The following SGCZ variants were observed in gnomAD, a reference collection of about 807,000 sequenced individuals.
The protein encoded by SGCZ is sarcoglycan zeta, also known as zeta-sarcoglycan.
A neutral mutation model predicts 41.3 loss-of-function variants in SGCZ; 40 were observed. That is an observed-to-expected ratio of 0.97 (90% confidence interval 0.75 to 1.26). The LOEUF (loss-of-function observed/expected upper bound fraction) is 1.26. SGCZ is among the 50% of genes most tolerant of loss of function. The probability of loss-of-function intolerance (pLI) is 0.00; values close to 1 mark genes in which losing one functional copy is unlikely to be tolerated. For synonymous variants in SGCZ, 206 were observed against 137.5 expected (o/e 1.50, Z -3.49); for missense variants, 552 against 369.8 (o/e 1.49, Z -4.04).
chr8:14,676,250 T>A (rs1172259870), intron 1 of SGCZ, among the ~76,000 whole-genome samples: 1 of 151,998 alleles, frequency 6.6e-6, no homozygotes. Flanking sequence ...TGCAGAAGGA[T>A]CTCTTAAGGC....
chr8:14,535,392 A>G (rs1264737292), intron 2 of SGCZ, among the ~76,000 whole-genome samples: 2 of 151,944 alleles, frequency 1.3e-5, no homozygotes, highest in Non-Finnish European at 2.9e-5. Context: ...TTAGTAAAGT[A>G]AATGCAATGG....
chr8:14,991,560 A>C (rs893961126), intron 1 of SGCZ, among the ~76,000 whole-genome samples: 1 of 152,106 alleles, frequency 6.6e-6, no homozygotes, highest in East Asian at 1.9e-4. Context: ...GAATATTATC[A>C]AAGCACTTAT....
At chr8:15,019,029 G>T (rs571575907) in intron 1 of SGCZ, among the ~76,000 whole-genome samples, 3 of 152,190 alleles carry the variant, frequency 2.0e-5, no homozygotes, top group Non-Finnish European at 4.4e-5. Context: ...TAAACAACTA[G>T]ATCTCATGAG....
intron 4 of SGCZ, among the ~76,000 whole-genome samples, chr8:14,183,618 T>G (rs560701675): frequency 8.7e-4 from 132 of 152,298 alleles, no homozygotes; most frequent in African/African-American, 3.0e-3. Context: ...CTCAGCATAG[T>G]TACAAAAATT....
intron 1 of SGCZ, among the ~76,000 whole-genome samples, chr8:14,908,743 CAA>C (rs58817872): frequency 0.02 from 1,811 of 91,058 alleles, 13 homozygotes; most frequent in Middle Eastern, 0.053. Flanking sequence ...GTCACCGTTG[CAA>C]AAAAAAAAAA....
At chr8:14,386,302 TAA>T (rs5889531) in intron 2 of SGCZ, among the ~76,000 whole-genome samples, 91 of 138,476 alleles carry the variant, frequency 6.6e-4, no homozygotes, top group East Asian at 5.7e-3. Context: ...TGCATCATGG[TAA>T]AAAAAAAAAA....
intron 3 of SGCZ, among the ~76,000 whole-genome samples, chr8:14,252,256 T>C (rs1203199322): frequency 6.6e-6 from 1 of 152,136 alleles, no homozygotes; most frequent in Non-Finnish European, 1.5e-5. Flanking sequence ...GTTACTCAGC[T>C]CTTAAGTTAT....
chr8:14,574,230 G>C (rs1299157470), intron 1 of SGCZ, among the ~76,000 whole-genome samples: 4 of 152,084 alleles, frequency 2.6e-5, no homozygotes, highest in African/African-American at 9.7e-5. Context: ...CAAAACGAAG[G>C]CCTCTGCAGC....
At chr8:14,853,702 G>A (rs1461304860) in intron 1 of SGCZ, among the ~76,000 whole-genome samples, 9 of 152,060 alleles carry the variant, frequency 5.9e-5, no homozygotes, top group Admixed American at 5.9e-4. Context: ...AGTATTACAT[G>A]GGTACCATAG....
intron 1 of SGCZ, among the ~76,000 whole-genome samples, chr8:14,561,449 A>C (rs187569456): frequency 8.5e-5 from 13 of 152,222 alleles, no homozygotes; most frequent in Admixed American, 5.2e-4. Flanking sequence ...CTGGCTTCAT[A>C]ATATTGCTGT....
At chr8:15,225,743 GA>G (rs905635292) in intron 1 of SGCZ, among the ~76,000 whole-genome samples, 1 of 152,166 alleles carries the variant, frequency 6.6e-6, no homozygotes, top group African/African-American at 2.4e-5. Context: ...TGGACAGAGG[GA>G]AAGTAGATGA....
intron 1 of SGCZ, among the ~76,000 whole-genome samples, chr8:14,750,970 A>G (rs1220369663): frequency 1.3e-5 from 2 of 152,200 alleles, no homozygotes; most frequent in Non-Finnish European, 1.5e-5. Flanking sequence ...CAGGCTGTTC[A>G]ATTGAAGCAT....
rs376514973 is a variant in SGCZ, at chr8:14,445,242, G to T, written c.234+109490C>A. Among the ~76,000 whole-genome samples, 97 of 152,294 alleles carry T rather than the reference G, an allele frequency of 6.4e-4. 1 individual carries two copies. The highest frequency in any genetic ancestry group is 3.4e-3 in the Middle Eastern group (1 of 294). On this transcript the variant is annotated intron_variant, in intron 2 of 7. Coordinates refer to ENST00000382080, the MANE Select transcript of SGCZ (RefSeq NM_139167.4). Reference sequence around the variant, plus strand: ...TTCAAGCCAAAGTAGCCTGAAACTCGCAGCCCAAAGTGGTAACTTCTATTC... The same window carrying T: ...TTCAAGCCAAAGTAGCCTGAAACTCTCAGCCCAAAGTGGTAACTTCTATTC...
intron 3 of SGCZ, among the ~76,000 whole-genome samples, chr8:14,271,153 T>G (rs1027207066): frequency 1.3e-5 from 2 of 151,782 alleles, no homozygotes; most frequent in African/African-American, 4.8e-5. Context: ...CATATGTAAC[T>G]AACCTGCACG....
At chr8:14,185,581 T>G (rs944443764) in intron 4 of SGCZ, among the ~76,000 whole-genome samples, 30 of 152,224 alleles carry the variant, frequency 2.0e-4, no homozygotes, top group Non-Finnish European at 4.4e-5. Context: ...AAAAACTGTC[T>G]TCTTCCTTAA....
chr8:14,324,135 G>C lies in SGCZ; in HGVS notation c.304C>G (p.Pro102Ala). 6.2e-7 allele frequency: 1 copy of C among 1,612,724 alleles called. No individual in the cohort carries two copies. The highest frequency in any genetic ancestry group is 8.5e-7 in the Non-Finnish European group (1 of 1,179,346). ...GAATGAATTTCTTTCACATACAATGGAAGTAGAAACTCAGATATACCTTCA... is the reference window on the plus strand; with the variant it reads ...GAATGAATTTCTTTCACATACAATGCAAGTAGAAACTCAGATATACCTTCA... Reference protein sequence around the residue: ...RLEGISEFLLPLYVKEIHSRK... With the variant: ...RLEGISEFLLALYVKEIHSRK... The change falls in exon 3 of 8, where the codon CCA becomes GCA. Residue 102 changes from proline (P) to alanine (A), a missense_variant. Transcript: ENST00000382080.
chr8:14,200,710 T>A (rs58074155), intron 4 of SGCZ, among the ~76,000 whole-genome samples: 4 of 152,248 alleles, frequency 2.6e-5, no homozygotes, highest in African/African-American at 9.6e-5. Flanking sequence ...GAGTAGAGCA[T>A]AGAATAAAGT....
intron 2 of SGCZ, among the ~76,000 whole-genome samples, chr8:14,412,834 A>C (rs1799397226): frequency 6.6e-6 from 1 of 152,078 alleles, no homozygotes; most frequent in Non-Finnish European, 1.5e-5. Context: ...GAACTTGAAG[A>C]GTATTTGACA....
At position 15,111,870 on chromosome 8, in the gene SGCZ, A is replaced by G. The variant is rs568111554; in HGVS notation, c.39+125715T>C. On this transcript the variant is annotated intron_variant, in intron 1 of 7. Coordinates refer to ENST00000382080, the MANE Select transcript of SGCZ (RefSeq NM_139167.4). ...AGCCGAGATTACACCACCGCACTCCAGCCTGGCAACAGAGCGAGACTCCGT... is the reference window on the plus strand; with the variant it reads ...AGCCGAGATTACACCACCGCACTCCGGCCTGGCAACAGAGCGAGACTCCGT... Among the ~76,000 whole-genome samples the G allele has an allele frequency of 2.0e-3, 298 of 150,750 alleles. 3 individuals carry two copies. The highest frequency in any genetic ancestry group is 5.5e-3 in the African/African-American group (223 of 40,808).
Sources: allele counts gnomAD v4.1 joint callset (sites outside exome capture counted in the v4.1 genomes callset), GRCh38; gene constraint gnomAD v4.1.1; transcripts MANE v1.5; gene names NCBI Gene and HGNC (gene_info 2026-07-23, HGNC 2026-07-21).